ATE1: variants seen among roughly 807,000 people sequenced by gnomAD.
The protein encoded by ATE1 is arginyl-tRNA--protein transferase 1.
In ATE1, 36 loss-of-function variants were observed where a neutral mutation model predicts 70.5. The observed-to-expected ratio is 0.51, with a 90% CI of 0.39 to 0.67. The LOEUF is 0.67. ATE1 is among the 30% of genes least tolerant of loss of function. ATE1 has a pLI of 0.00. For missense variants in ATE1, 593 were observed against 629.5 expected, an observed-to-expected ratio of 0.94 and a Z score of 0.62; for synonymous variants, 232 against 219.3, an observed-to-expected ratio of 1.06 and a Z score of -0.51.
At chr10:121,915,317 T>C (rs928918296) in intron 3 of ATE1, among the ~76,000 whole-genome samples, 1 of 151,990 alleles carries the variant, frequency 6.6e-6, no homozygotes, top group Non-Finnish European at 1.5e-5. Flanking sequence ...AAACTGAAGT[T>C]GAAGAAACCT....
intron 10 of ATE1, among the ~76,000 whole-genome samples, chr10:121,807,670 A>T (rs1236982245): frequency 6.6e-6 from 1 of 152,232 alleles, no homozygotes; most frequent in Non-Finnish European, 1.5e-5. Context: ...AGGCTGAACT[A>T]GCAGCAGAGT....
intron 10 of ATE1, among the ~76,000 whole-genome samples, chr10:121,825,858 A>C (rs1947986037): frequency 6.6e-6 from 1 of 152,226 alleles, no homozygotes; most frequent in South Asian, 2.1e-4. Flanking sequence ...AGTGAGTCTC[A>C]AAGAGATATT....
upstream of ATE1, chr10:121,928,260 A>T: frequency 7.0e-7 from 1 of 1,418,480 alleles, no homozygotes; most frequent in Non-Finnish European, 9.3e-7. Flanking sequence ...GGGAAGCGGG[A>T]GTCGGGGTGC....
At chr10:121,764,499 A>T (rs1157982353) in intron 11 of ATE1, among the ~76,000 whole-genome samples, 1 of 151,472 alleles carries the variant, frequency 6.6e-6, no homozygotes, top group Non-Finnish European at 1.5e-5. Flanking sequence ...AAAAAAAAAA[A>T]AAAGATTGAG....
chr10:121,892,618 T>C (rs549419766), intron 7 of ATE1, among the ~76,000 whole-genome samples: 16 of 151,876 alleles, frequency 1.1e-4, no homozygotes, highest in Admixed American at 9.2e-4. Context: ...GTAATTCTCC[T>C]GCCTCAGTCT....
intron 10 of ATE1, among the ~76,000 whole-genome samples, chr10:121,795,192 G>A (rs964672511): frequency 6.6e-6 from 1 of 152,114 alleles, no homozygotes; most frequent in Non-Finnish European, 1.5e-5. Context: ...AGGTTACAGT[G>A]AGCCAAGATC....
intron 11 of ATE1, among the ~76,000 whole-genome samples, chr10:121,789,627 C>T (rs1490400787): frequency 6.6e-6 from 1 of 152,058 alleles, no homozygotes; most frequent in Non-Finnish European, 1.5e-5. Flanking sequence ...TCTGTATATA[C>T]TCTTAGTACA....
chr10:121,820,351 T>C (rs1947745051), intron 10 of ATE1, among the ~76,000 whole-genome samples: 1 of 152,200 alleles, frequency 6.6e-6, no homozygotes, highest in African/African-American at 2.4e-5. Flanking sequence ...TAATAGATTG[T>C]ATTATAGAAA....
At position 121,853,381 on chromosome 10, in the gene ATE1, A is replaced by C. The variant is rs868752268; in HGVS notation, c.976-12118T>G. On this transcript the variant is annotated intron_variant, in intron 8 of 11. Transcript: ENST00000224652. ...TGTCTCAAAAAAAAAAAAAAAAAAA[A>C]CTAAATTGAAGAATTACTAGTTCAG... is the stretch of plus-strand genomic sequence containing the variant. 4.7e-4 allele frequency among the ~76,000 whole-genome samples: 71 copies of C among 151,404 alleles called. 1 individual carries two copies. Among genetic ancestry groups the C allele is most frequent in the African/African-American group, 1.6e-3 (66 of 41,336 alleles).
intron 1 of ATE1, chr10:121,926,840 G>A: frequency 1.0e-6 from 1 of 985,360 alleles, no homozygotes; most frequent in African/African-American, 1.7e-5. Context: ...AGTCCAAACT[G>A]GAAGCATTTT....
At chr10:121,843,480 C>G (rs983597715) in intron 8 of ATE1, among the ~76,000 whole-genome samples, 7 of 151,942 alleles carry the variant, frequency 4.6e-5, no homozygotes, top group African/African-American at 1.7e-4. Context: ...ACTAGCGAAC[C>G]CAATACTGTG....
chr10:121,876,966 C>CA (rs869058660), intron 7 of ATE1, among the ~76,000 whole-genome samples: 6,356 of 91,504 alleles, frequency 0.069, 292 homozygotes, highest in African/African-American at 0.17. Context: ...ACTCCAGTCT[C>CA]AAAAAAAAAA....
chr10:121,785,805 A>G (rs115985608), intron 11 of ATE1, among the ~76,000 whole-genome samples: 2,598 of 152,292 alleles, frequency 0.017, 35 homozygotes, highest in African/African-American at 0.04. Context: ...GTCTCTTTAT[A>G]GCAAATTTAA....
At chr10:121,839,229 C>A (rs1285489785) in intron 9 of ATE1, among the ~76,000 whole-genome samples, 1 of 152,160 alleles carries the variant, frequency 6.6e-6, no homozygotes, top group East Asian at 1.9e-4. Flanking sequence ...CAGGGATATA[C>A]AAGGTGATCA....
At chr10:121,771,364 C>T (rs983700329) in intron 11 of ATE1, among the ~76,000 whole-genome samples, 16 of 152,250 alleles carry the variant, frequency 1.1e-4, no homozygotes, top group South Asian at 2.1e-4. Context: ...CCACCGTGCC[C>T]GGCCTCTCTC....
At chr10:121,898,103 G>A (rs1050560475) in intron 7 of ATE1, among the ~76,000 whole-genome samples, 6 of 151,826 alleles carry the variant, frequency 4.0e-5, no homozygotes, top group African/African-American at 1.2e-4. Flanking sequence ...AACATACCAT[G>A]GTTCTACTGT....
chr10:121,822,773 ACT>A (rs1947851361), intron 10 of ATE1, among the ~76,000 whole-genome samples: 1 of 152,052 alleles, frequency 6.6e-6, no homozygotes, highest in African/African-American at 2.4e-5. Context: ...TTTTAATTCC[ACT>A]GAGTACCTTA....
chr10:121,845,109 C>A (rs548770404), intron 8 of ATE1, among the ~76,000 whole-genome samples: 8 of 152,176 alleles, frequency 5.3e-5, no homozygotes, highest in African/African-American at 1.7e-4. Flanking sequence ...CTCTGGGAAA[C>A]CAAAAATTTT....
chr10:121,755,780 A>C (rs1007343436), intron 11 of ATE1, among the ~76,000 whole-genome samples: 1 of 152,146 alleles, frequency 6.6e-6, no homozygotes, highest in East Asian at 1.9e-4. Context: ...CATGGGAAAG[A>C]CCCACCCCCA....
Sources: gnomAD v4.1 joint callset for allele counts (sites outside exome capture counted in the v4.1 genomes callset) on GRCh38, gnomAD v4.1.1 for gene constraint, MANE v1.5 for transcripts, NCBI Gene and HGNC (gene_info 2026-07-23, HGNC 2026-07-21) for gene names.